CFAP97: variants seen among roughly 807,000 people sequenced by gnomAD.
CFAP97 encodes the protein cilia- and flagella-associated protein 97.
A neutral mutation model predicts 43.1 loss-of-function variants in CFAP97; 36 were observed. The ratio of observed to expected loss-of-function variants is 0.84; its 90% CI spans 0.64 to 1.10. The LOEUF (loss-of-function observed/expected upper bound fraction) is 1.10, where lower values mean the gene tolerates loss of function less well. Among genes scored for constraint, CFAP97 ranks in the 50% least tolerant of loss-of-function variants. The probability of loss-of-function intolerance (pLI) is 0.00; values close to 1 mark genes in which losing one functional copy is unlikely to be tolerated. For missense variants in CFAP97, 657 were observed against 620.3 expected (o/e 1.06, Z -0.63); for synonymous variants, 228 against 225.7 (o/e 1.01, Z -0.09).
At position 185,170,457 on chromosome 4, in the gene CFAP97, G is replaced by A. The variant is rs1032392505; in HGVS notation, c.1320+5329C>T. 4.2e-5 allele frequency: 16 copies of A among 378,634 alleles called. No homozygotes were observed. The East Asian group carries it at 4.6e-4, about 11-fold the overall frequency. The allele number at this position is 378,634 out of a possible 1,614,324, so 23.5% of individuals were successfully genotyped here. ...GGAGTTTTGCTCTTGTTGCCCAGGCGAGTATCTTGCCTCACTGCAACCTCT... is the reference window on the plus strand; with the variant it reads ...GGAGTTTTGCTCTTGTTGCCCAGGCAAGTATCTTGCCTCACTGCAACCTCT... On this transcript the variant is annotated intron_variant, in intron 3 of 4. Coordinates refer to ENST00000458385, the MANE Select transcript of CFAP97 (RefSeq NM_020827.3).
In CFAP97 at chr4:185,161,661, A is replaced by T. The variant is rs1734877683; in HGVS notation, c.*1137T>A. 1 of 152,238 alleles carries T rather than the reference A, an allele frequency of 6.6e-6. No homozygotes were observed. The allele number at this position is 152,238 out of a possible 1,614,324, so 9.4% of individuals were successfully genotyped here. A position where few individuals can be genotyped will look rare whatever the true frequency, so the allele number is the denominator to read the frequency against. ...AACCCTATCTGCCATTACCAATTCC[A>T]TCAAGATTACTAGGTCTTTAAATGT... On this transcript the variant is annotated 3_prime_UTR_variant, in exon 5 of 5. Coordinates refer to ENST00000458385, the MANE Select transcript of CFAP97 (RefSeq NM_020827.3).
chr4:185,171,158 A>G lies in CFAP97; in HGVS notation c.1320+4628T>C, dbSNP rs1735289363. On this transcript the variant is annotated intron_variant, in intron 3 of 4. Coordinates refer to ENST00000458385, the MANE Select transcript of CFAP97 (RefSeq NM_020827.3). ...TATTTGTTTGTTTCAATTTTTCTAC[A>G]TGAAAAGATGGGCTATTGTCTATTT... Among the ~76,000 whole-genome samples, 2 of 152,136 alleles carry G rather than the reference A, an allele frequency of 1.3e-5. 1 individual carries two copies. The highest frequency in any genetic ancestry group is 3.9e-4 in the East Asian group (2 of 5,194).
At chr4:185,193,769 C>T (rs1736411786) in intron 1 of CFAP97, among the ~76,000 whole-genome samples, 1 of 152,024 alleles carries the variant, frequency 6.6e-6, no homozygotes, top group South Asian at 2.1e-4. Flanking sequence ...CCTAAACCAG[C>T]CACAACACTC....
chr4:185,202,382 C>T (rs1375199496), intron 1 of CFAP97, among the ~76,000 whole-genome samples: 1 of 152,074 alleles, frequency 6.6e-6, no homozygotes, highest in East Asian at 1.9e-4. Context: ...AACCCCACCT[C>T]TACAAAAAAT....
chr4:185,208,683 G>A (rs1737315058), upstream of CFAP97, among the ~76,000 whole-genome samples: 3 of 151,690 alleles, frequency 2.0e-5, no homozygotes, highest in East Asian at 2.0e-4. Context: ...AGCCGAGATC[G>A]CCCCACTGCA....
chr4:185,168,645 A>C (rs956626331), intron 3 of CFAP97, among the ~76,000 whole-genome samples: 8 of 151,942 alleles, frequency 5.3e-5, no homozygotes, highest in African/African-American at 1.9e-4. Flanking sequence ...CTGTAATCCC[A>C]GCACTTTGGG....
At chr4:185,201,579 A>AT (rs1736832769) in intron 1 of CFAP97, among the ~76,000 whole-genome samples, 1 of 152,204 alleles carries the variant, frequency 6.6e-6, no homozygotes, top group African/African-American at 2.4e-5. Context: ...GATTGACAGC[A>AT]TTTTTTAGCC....
upstream of CFAP97, among the ~76,000 whole-genome samples, chr4:185,204,893 C>T (rs1737118628): frequency 6.6e-6 from 1 of 152,202 alleles, no homozygotes; most frequent in African/African-American, 2.4e-5. Flanking sequence ...TGATTTTAGA[C>T]TTAATACCTT....
chr4:185,164,299 T>C, intron 3 of CFAP97, 120 bp from the exon 4 acceptor site: 1 of 1,005,442 alleles, frequency 9.9e-7, no homozygotes, highest in Non-Finnish European at 1.4e-6. Flanking sequence ...GACAAGATCT[T>C]ACTCTGTCAC....
chr4:185,176,328 G>T (rs1382135398), intron 2 of CFAP97, among the ~76,000 whole-genome samples: 1 of 152,004 alleles, frequency 6.6e-6, no homozygotes, highest in Non-Finnish European at 1.5e-5. Flanking sequence ...GCCCAGGCTG[G>T]TCTCGAACTC....
In CFAP97 at chr4:185,190,505, T is replaced by C. The variant is rs747837979; in HGVS notation, c.692A>G (p.Glu231Gly). 1.2e-6 allele frequency: 2 copies of C among 1,613,866 alleles called. No individual in the cohort carries two copies. The highest frequency in any genetic ancestry group is 2.7e-5 in the African/African-American group (2 of 74,938). ...HKYKSGIKST[E>G]TQPSSTTPKC... ...TGGTGTAGTACTTGAAGGCTGTGTTTCTGTCGATTTTATTCCTGATTTATA... is the reference window on the plus strand; with the variant it reads ...TGGTGTAGTACTTGAAGGCTGTGTTCCTGTCGATTTTATTCCTGATTTATA... The change falls in exon 2 of 5, where the codon GAA (glutamate) becomes GGA (glycine). Residue 231 changes from glutamate (E) to glycine (G), a missense_variant. Transcript: ENST00000458385.
Position 185,162,892 on chromosome 4 carries a change from A to C in CFAP97, c.1505T>G (p.Leu502Arg). ...CGCTGATCGCTCACTCCTACAACTGAGACCACTCGTAGCACTGGATGTCCT... is the reference window on the plus strand; with the variant it reads ...CGCTGATCGCTCACTCCTACAACTGCGACCACTCGTAGCACTGGATGTCCT... Reference protein sequence around the residue: ...ASRTSSATSGLSCRSERSAVD... With the variant: ...ASRTSSATSGRSCRSERSAVD... Residue 502 changes from leucine to arginine, a missense_variant, in exon 5 of 5, where the codon CTC (leucine) becomes CGC (arginine). Coordinates refer to ENST00000458385, the MANE Select transcript of CFAP97 (RefSeq NM_020827.3). 2.5e-6 allele frequency: 4 copies of C among 1,604,190 alleles called. No individual in the cohort carries two copies. The Admixed American group carries it at 5.2e-5, about 21-fold the overall frequency.
At position 185,160,581 on chromosome 4, in the gene CFAP97, GA is replaced by G. The variant is rs1247474111; in HGVS notation, c.*2216del. On this transcript the variant is annotated 3_prime_UTR_variant, in exon 5 of 5. Coordinates refer to ENST00000458385, the MANE Select transcript of CFAP97 (RefSeq NM_020827.3). ...TATAAGTAACCATGACAACAGAATTGAAGTTCCGCTTAAAAGACTCTTGCCC... is the reference window on the plus strand; with the variant it reads ...TATAAGTAACCATGACAACAGAATTGAGTTCCGCTTAAAAGACTCTTGCCC... 1.3e-5 allele frequency: 2 copies of G among 151,850 alleles called. No individual in the cohort carries two copies. The highest frequency in any genetic ancestry group is 2.4e-5 in the African/African-American group (1 of 41,370). The allele number at this position is 151,850 out of a possible 1,614,324, so 9.4% of individuals were successfully genotyped here. A position where few individuals can be genotyped will look rare whatever the true frequency, so the allele number is the denominator to read the frequency against.
At chr4:185,198,789 C>CAAAAAAAA (rs58603330) in intron 1 of CFAP97, among the ~76,000 whole-genome samples, 2 of 124,316 alleles carry the variant, frequency 1.6e-5, no homozygotes, top group Non-Finnish European at 1.7e-5. Flanking sequence ...AACTCCATCT[C>CAAAAAAAA]AAAAAAAAGA....
Position 185,175,810 on chromosome 4 carries a change from T to C in CFAP97, c.1296A>G (p.Gln432=), listed in dbSNP as rs746895016. The change falls in exon 3 of 5, where the codon CAA becomes CAG. Residue 432 remains glutamine (Q), a synonymous_variant. Transcript: ENST00000458385. ...YHSALNRQKE[Q]QRIERENLAL... ...CCAAGTTTTCTCTCTCAATCCTTTG[T>C]TGTTCCTTCTGTCTGTTGAGAGCAC... 25 of 1,613,412 alleles carry C rather than the reference T, an allele frequency of 1.5e-5. No individual in the cohort carries two copies. Among genetic ancestry groups the C allele is most frequent in the East Asian group, 2.2e-5 (1 of 44,890 alleles).
chr4:185,187,996 A>C (rs1054962471), intron 2 of CFAP97, among the ~76,000 whole-genome samples: 3 of 151,994 alleles, frequency 2.0e-5, no homozygotes, highest in African/African-American at 7.3e-5. Context: ...TCCTGGGTTC[A>C]AGCAATTCTC....
rs960709630 is a variant in CFAP97 at position 185,191,831 on chromosome 4, C to T, written c.-16-619G>A. 3.3e-5 allele frequency among the ~76,000 whole-genome samples: 5 copies of T among 151,112 alleles called. No homozygotes were observed. In the South Asian group the frequency reaches 1.0e-3, roughly 31 times the overall value. ...GCGACAGAGCAAGACTCCATCTCAA[C>T]AACAACAAACAAAAACAAAAACAAA... On this transcript the variant is annotated intron_variant, in intron 1 of 4. Transcript: ENST00000458385.
chr4:185,200,071 C>T (rs531177411), intron 1 of CFAP97, among the ~76,000 whole-genome samples: 1 of 152,280 alleles, frequency 6.6e-6, no homozygotes, highest in Admixed American at 6.5e-5. Context: ...AAAACCTTCC[C>T]CATTAAGAAC....
chr4:185,167,998 CAAAAA>C (rs1195340198), intron 3 of CFAP97, among the ~76,000 whole-genome samples: 5 of 54,720 alleles, frequency 9.1e-5, no homozygotes, highest in Non-Finnish European at 1.7e-4. Flanking sequence ...GACTCCTTCT[CAAAAA>C]AAAAAAAAAA....
Sources: allele counts gnomAD v4.1 joint callset (sites outside exome capture counted in the v4.1 genomes callset), GRCh38; gene constraint gnomAD v4.1.1; transcripts MANE v1.5; gene names NCBI Gene and HGNC (gene_info 2026-07-23, HGNC 2026-07-21).